DDX10: variants seen among roughly 807,000 people sequenced by gnomAD.
The protein encoded by DDX10 is DEAD-box helicase 10, also known as probable ATP-dependent RNA helicase DDX10.
In DDX10, 74 loss-of-function variants were observed where a neutral mutation model predicts 104.3. That is an observed-to-expected ratio of 0.71 (90% confidence interval 0.59 to 0.86). The LOEUF (loss-of-function observed/expected upper bound fraction) is 0.86. Ranked by LOEUF, DDX10 falls within the 40% of genes least tolerant of loss-of-function variation. The pLI is 0.00. For missense variants in DDX10, 952 were observed against 1,040.0 expected, an observed-to-expected ratio of 0.92 and a Z score of 1.16; for synonymous variants, 351 against 353.4, an observed-to-expected ratio of 0.99 and a Z score of 0.08.
chr11:108,869,703 G>A (rs560848260), intron 16 of DDX10, among the ~76,000 whole-genome samples: 1 of 151,796 alleles, frequency 6.6e-6, no homozygotes, highest in African/African-American at 2.4e-5. Flanking sequence ...TCAGTATATC[G>A]ATACTGACTC....
At chr11:108,738,460 T>C (rs1159896916) in intron 13 of DDX10, among the ~76,000 whole-genome samples, 2 of 152,076 alleles carry the variant, frequency 1.3e-5, no homozygotes, top group Non-Finnish European at 2.9e-5. Flanking sequence ...TCTAATCCCC[T>C]CTCTTTCCTA....
chr11:108,869,430 G>T (rs1361712739), intron 16 of DDX10, among the ~76,000 whole-genome samples: 4 of 152,096 alleles, frequency 2.6e-5, no homozygotes, highest in Non-Finnish European at 5.9e-5. Flanking sequence ...AATAAGACAT[G>T]TCAGCAGGTC....
chr11:108,904,524 A>G (rs971580880), intron 16 of DDX10, among the ~76,000 whole-genome samples: 3 of 152,184 alleles, frequency 2.0e-5, no homozygotes, highest in Admixed American at 6.5e-5. Flanking sequence ...TTTTCACCAA[A>G]GATGAGCCAG....
chr11:108,753,487 A>AG, intron 13 of DDX10, among the ~76,000 whole-genome samples: 1 of 152,078 alleles, frequency 6.6e-6, no homozygotes. Context: ...GAAACAAAAA[A>AG]TTTTGATAAG....
chr11:108,716,410 CTTTAAAATTTTGAAAAATATTTT>C (rs1184484774), intron 11 of DDX10, among the ~76,000 whole-genome samples: 1 of 152,034 alleles, frequency 6.6e-6, no homozygotes, highest in Non-Finnish European at 1.5e-5. Context: ...CTAGCTTATT[CTTTAAAATTTTGAAAAATATTTT>C]TTATATATAT....
intron 13 of DDX10, among the ~76,000 whole-genome samples, chr11:108,830,491 A>G (rs1425571053): frequency 6.6e-6 from 1 of 152,162 alleles, no homozygotes; most frequent in Non-Finnish European, 1.5e-5. Flanking sequence ...ATCATCAGCA[A>G]ACAGCGACAG....
chr11:108,695,818 C>T (rs2094259078), intron 9 of DDX10, among the ~76,000 whole-genome samples: 3 of 147,484 alleles, frequency 2.0e-5, no homozygotes, highest in African/African-American at 5.0e-5. Context: ...CATCTTTAAA[C>T]GTGGTTTATA....
chr11:108,817,022 T>A (rs1862265035), intron 13 of DDX10, among the ~76,000 whole-genome samples: 1 of 152,218 alleles, frequency 6.6e-6, no homozygotes, highest in South Asian at 2.1e-4. Context: ...TACTGGAAAC[T>A]TTGACTTTAA....
intron 16 of DDX10, among the ~76,000 whole-genome samples, chr11:108,884,622 C>T (rs1326608230): frequency 6.6e-6 from 1 of 152,196 alleles, no homozygotes; most frequent in Non-Finnish European, 1.5e-5. Context: ...ACATTCTCCT[C>T]TTTTATGAAA....
Position 108,855,993 on chromosome 11 carries a change from C to T in DDX10, c.2304+3784C>T, listed in dbSNP as rs536095452. 7.2e-5 allele frequency among the ~76,000 whole-genome samples: 11 copies of T among 152,174 alleles called. No individual in the cohort carries two copies. In the South Asian group the frequency reaches 2.3e-3, roughly 32 times the overall value. ...ACTTGTTTTTATTTTTTGGTTTGTA[C>T]TGTGTTTTTATTTATACTTAACAAA... On this transcript the variant is annotated intron_variant, in intron 16 of 17. Coordinates refer to ENST00000322536, the MANE Select transcript of DDX10 (RefSeq NM_004398.4).
At chr11:108,824,663 C>G (rs1166921622) in intron 13 of DDX10, among the ~76,000 whole-genome samples, 1 of 152,070 alleles carries the variant, frequency 6.6e-6, no homozygotes, top group Admixed American at 6.6e-5. Flanking sequence ...CTGCTTGCTT[C>G]CTAATATAGA....
intron 13 of DDX10, among the ~76,000 whole-genome samples, chr11:108,806,353 A>G (rs181042419): frequency 1.2e-3 from 181 of 152,338 alleles, no homozygotes; most frequent in Admixed American, 3.0e-3. Flanking sequence ...AGTATGTTTG[A>G]TACTGTGATA....
At chr11:108,809,757 T>C (rs896968687) in intron 13 of DDX10, among the ~76,000 whole-genome samples, 1 of 152,198 alleles carries the variant, frequency 6.6e-6, no homozygotes, top group African/African-American at 2.4e-5. Context: ...AGTTCTTATG[T>C]AGCAGTGTCT....
At chr11:108,769,760 C>T (rs1290585129) in intron 13 of DDX10, among the ~76,000 whole-genome samples, 1 of 152,160 alleles carries the variant, frequency 6.6e-6, no homozygotes, top group African/African-American at 2.4e-5. Context: ...CTCAATAACC[C>T]TGTAAACTCT....
chr11:108,834,098 G>C (rs1862513204), intron 13 of DDX10, among the ~76,000 whole-genome samples: 1 of 151,636 alleles, frequency 6.6e-6, no homozygotes, highest in Non-Finnish European at 1.5e-5. Context: ...TAAGACTACA[G>C]GCCTGTGCCA....
chr11:108,689,537 A>G (rs1487029269), intron 7 of DDX10, among the ~76,000 whole-genome samples: 1 of 151,898 alleles, frequency 6.6e-6, no homozygotes, highest in Non-Finnish European at 1.5e-5. Context: ...CCTTTCTGAC[A>G]CTCCCTTTTT....
chr11:108,818,462 A>G (rs1177851281), intron 13 of DDX10, among the ~76,000 whole-genome samples: 2 of 152,226 alleles, frequency 1.3e-5, no homozygotes, highest in Admixed American at 6.5e-5. Flanking sequence ...GGTGAGTTTC[A>G]TAACATAACT....
At chr11:108,835,406 G>T (rs1565293300) in intron 13 of DDX10, among the ~76,000 whole-genome samples, 1 of 152,188 alleles carries the variant, frequency 6.6e-6, no homozygotes, top group Non-Finnish European at 1.5e-5. Flanking sequence ...CCAGTGGGAA[G>T]AAGAAATCTA....
intron 16 of DDX10, among the ~76,000 whole-genome samples, chr11:108,862,255 A>G (rs1184262165): frequency 2.0e-5 from 3 of 152,090 alleles, no homozygotes; most frequent in Non-Finnish European, 4.4e-5. Context: ...AACTTCTGGC[A>G]CCAAGTGATC....
Sources: allele counts gnomAD v4.1 joint callset (sites outside exome capture counted in the v4.1 genomes callset), GRCh38; gene constraint gnomAD v4.1.1; transcripts MANE v1.5; gene names NCBI Gene and HGNC (gene_info 2026-07-23, HGNC 2026-07-21).